The following THSD7B variants were observed in gnomAD, a reference collection of about 807,000 sequenced individuals.
THSD7B encodes the protein thrombospondin type 1 domain containing 7B.
Under a neutral mutation model 213.6 loss-of-function variants are expected in THSD7B, and 138 were observed. The ratio of observed to expected loss-of-function variants is 0.65; its 90% CI spans 0.56 to 0.74. The LOEUF (loss-of-function observed/expected upper bound fraction) is 0.74, where lower values mean the gene tolerates loss of function less well. THSD7B is among the 30% of genes least tolerant of loss of function. THSD7B has a pLI of 0.00. For missense variants in THSD7B, 1,931 were observed against 1,991.5 expected, an observed-to-expected ratio of 0.97 and a Z score of 0.58; for synonymous variants, 742 against 687.0, an observed-to-expected ratio of 1.08 and a Z score of -1.25.
At chr2:137,519,251 A>AAATAAATAAATAAATAAAT (rs1553456924) in intron 15 of THSD7B, among the ~76,000 whole-genome samples, 52 of 149,224 alleles carry the variant, frequency 3.5e-4, no homozygotes, top group South Asian at 1.3e-3. Context: ...ACTCCATCTC[A>AAATAAATAAATAAATAAAT]AAATAAATAA....
chr2:137,291,857 G>A (rs1683347397), intron 12 of THSD7B, among the ~76,000 whole-genome samples: 1 of 152,130 alleles, frequency 6.6e-6, no homozygotes, highest in Non-Finnish European at 1.5e-5. Context: ...ATTTACATGA[G>A]ACTGAGAGGA....
intron 2 of THSD7B, among the ~76,000 whole-genome samples, chr2:136,917,869 T>G (rs1255266463): frequency 6.6e-6 from 1 of 152,206 alleles, no homozygotes; most frequent in Non-Finnish European, 1.5e-5. Context: ...AAGTCTCAAG[T>G]ATAGTATCCA....
chr2:137,455,577 C>T (rs987007613), intron 15 of THSD7B, among the ~76,000 whole-genome samples: 2 of 152,184 alleles, frequency 1.3e-5, no homozygotes, highest in Non-Finnish European at 2.9e-5. Flanking sequence ...AGCTCTTTCT[C>T]TAAAAGTGCC....
At chr2:137,576,370 T>G (rs927636888) in intron 17 of THSD7B, among the ~76,000 whole-genome samples, 1 of 152,124 alleles carries the variant, frequency 6.6e-6, no homozygotes, top group Non-Finnish European at 1.5e-5. Context: ...TCTAGCTGAA[T>G]GTATCAGGGG....
intron 2 of THSD7B, among the ~76,000 whole-genome samples, chr2:136,943,478 C>T (rs1480764270): frequency 3.3e-5 from 5 of 152,156 alleles, no homozygotes; most frequent in African/African-American, 1.2e-4. Flanking sequence ...TTTTGTACCT[C>T]TGGTAGAATT....
At chr2:137,139,552 A>AT (rs972869613) in intron 5 of THSD7B, among the ~76,000 whole-genome samples, 2 of 152,040 alleles carry the variant, frequency 1.3e-5, no homozygotes, top group Non-Finnish European at 2.9e-5. Flanking sequence ...TACTAAGAGG[A>AT]TTTTTTTCTA....
At chr2:137,180,137 A>G (rs1680427983) in intron 7 of THSD7B, among the ~76,000 whole-genome samples, 1 of 152,184 alleles carries the variant, frequency 6.6e-6, no homozygotes, top group African/African-American at 2.4e-5. Flanking sequence ...GCTGTGATCC[A>G]TCTTATTATA....
intron 1 of THSD7B, among the ~76,000 whole-genome samples, chr2:136,782,567 T>TA (rs1435519586): frequency 6.6e-6 from 1 of 152,016 alleles, no homozygotes; most frequent in Non-Finnish European, 1.5e-5. Flanking sequence ...AAGATGAAAT[T>TA]ATGTTATGCT....
chr2:136,794,197 G>T (rs1682019940), intron 1 of THSD7B, among the ~76,000 whole-genome samples: 3 of 150,904 alleles, frequency 2.0e-5, no homozygotes, highest in Admixed American at 2.0e-4. Flanking sequence ...CTGTATATCT[G>T]CTTTCTGTGT....
intron 15 of THSD7B, among the ~76,000 whole-genome samples, chr2:137,489,101 G>A (rs16838991): frequency 0.027 from 4,183 of 152,214 alleles, 206 homozygotes; most frequent in African/African-American, 0.095. Flanking sequence ...TGACATAGCA[G>A]TGGATAATTT....
At chr2:137,588,249 A>G (rs1182251706) in intron 17 of THSD7B, among the ~76,000 whole-genome samples, 1 of 152,154 alleles carries the variant, frequency 6.6e-6, no homozygotes, top group Admixed American at 6.5e-5. Flanking sequence ...TCCCTTGGCT[A>G]GGAAAGGGAA....
chr2:136,843,106 T>G (rs1157838418), intron 1 of THSD7B, among the ~76,000 whole-genome samples: 4 of 113,448 alleles, frequency 3.5e-5, no homozygotes, highest in African/African-American at 1.4e-4. Context: ...TTTTTTTTTT[T>G]GCTTCCTTCC....
At chr2:137,148,214 T>A (rs1471484180) in intron 5 of THSD7B, among the ~76,000 whole-genome samples, 1 of 152,164 alleles carries the variant, frequency 6.6e-6, no homozygotes, top group Non-Finnish European at 1.5e-5. Flanking sequence ...TCATTGCTGC[T>A]GCCATGTGAA....
intron 20 of THSD7B, among the ~76,000 whole-genome samples, chr2:137,633,043 A>G (rs563429843): frequency 1.3e-5 from 2 of 152,310 alleles, no homozygotes; most frequent in African/African-American, 4.8e-5. Context: ...TGTGCTAAAG[A>G]GCTGTCTTTA....
chr2:137,138,757 TGTGTGGG>T (rs912431356), intron 5 of THSD7B, among the ~76,000 whole-genome samples: 2 of 152,194 alleles, frequency 1.3e-5, no homozygotes, highest in African/African-American at 4.8e-5. Flanking sequence ...AATAAGAAAA[TGTGTGGG>T]AAACCACTGT....
intron 7 of THSD7B, among the ~76,000 whole-genome samples, chr2:137,182,756 A>G (rs969785740): frequency 2.6e-5 from 4 of 151,974 alleles, no homozygotes; most frequent in African/African-American, 7.3e-5. Context: ...CCTTTCTTTC[A>G]TATCATTTGA....
chr2:137,531,913 T>A (rs1348998824), intron 15 of THSD7B, among the ~76,000 whole-genome samples: 1 of 151,910 alleles, frequency 6.6e-6, no homozygotes, highest in African/African-American at 2.4e-5. Flanking sequence ...CAAGTAGTAT[T>A]CCTCACAGGA....
intron 12 of THSD7B, among the ~76,000 whole-genome samples, chr2:137,356,024 C>A (rs2104927432): frequency 6.6e-6 from 1 of 152,232 alleles, no homozygotes; most frequent in East Asian, 1.9e-4. Context: ...GCTGTGGCTT[C>A]TCACTGACAC....
intron 12 of THSD7B, among the ~76,000 whole-genome samples, chr2:137,279,524 C>G (rs1682949542): frequency 6.6e-6 from 1 of 152,060 alleles, no homozygotes; most frequent in Admixed American, 6.6e-5. Flanking sequence ...GCCTGGGTGA[C>G]AGAATAAGAC....
Sources: gnomAD v4.1 joint callset for allele counts (sites outside exome capture counted in the v4.1 genomes callset) on GRCh38, gnomAD v4.1.1 for gene constraint, MANE v1.5 for transcripts, NCBI Gene and HGNC (gene_info 2026-07-23, HGNC 2026-07-21) for gene names.